Variants in AFM observed in about 807,000 individuals in gnomAD.
AFM encodes the protein afamin.
In AFM, 82 loss-of-function variants were observed where a neutral mutation model predicts 68.7. The ratio of observed to expected loss-of-function variants is 1.19; its 90% CI spans 1.00 to 1.43. AFM has a LOEUF of 1.43. Ranked by LOEUF, AFM falls within the 40% of genes most tolerant of loss-of-function variation. The pLI, the probability that AFM is intolerant of heterozygous loss-of-function variation, is 0.00. For missense variants in AFM, 772 were observed against 701.8 expected, an observed-to-expected ratio of 1.10 and a Z score of -1.13; for synonymous variants, 250 against 234.2, an observed-to-expected ratio of 1.07 and a Z score of -0.61.
At chr4:73,485,683 A>C (rs1283290565) in intron 3 of AFM, among the ~76,000 whole-genome samples, 179 bp from the exon 4 acceptor site, 2 of 121,920 alleles carry the variant, frequency 1.6e-5, no homozygotes, top group African/African-American at 6.2e-5. Flanking sequence ...AGGAGGTGGA[A>C]GAGAAGGAGG....
chr4:73,491,750 C>A, intron 7 of AFM, 122 bp from the exon 8 acceptor site: 2 of 848,880 alleles, frequency 2.4e-6, no homozygotes, highest in South Asian at 1.6e-5. Flanking sequence ...TATTATCTAG[C>A]AAATTAATTG....
At chr4:73,494,060 G>GGT (rs60080861) in intron 8 of AFM, among the ~76,000 whole-genome samples, 84,240 of 147,568 alleles carry the variant, frequency 0.57, 24,720 homozygotes, top group Non-Finnish European at 0.68. Context: ...CATGTTTTTA[G>GGT]GTGTGTGTGT....
chr4:73,495,549 A>G, intron 9 of AFM, 117 bp downstream of exon 9: 1 of 1,242,664 alleles, frequency 8.0e-7, no homozygotes, highest in Non-Finnish European at 1.1e-6. Context: ...GGCTAATCTG[A>G]GTCCACTGTA....
chr4:73,498,788 T>C (rs375215007), intron 10 of AFM, among the ~76,000 whole-genome samples: 1 of 152,182 alleles, frequency 6.6e-6, no homozygotes, highest in Non-Finnish European at 1.5e-5. Flanking sequence ...TTTCTAATGA[T>C]GTAAATTATT....
chr4:73,489,955 G>A (rs1356595279), intron 7 of AFM, among the ~76,000 whole-genome samples: 1 of 151,980 alleles, frequency 6.6e-6, no homozygotes, highest in Non-Finnish European at 1.5e-5. Flanking sequence ...TGTACATTCT[G>A]CACATCTGCC....
chr4:73,501,032 C>A (rs1213564186), intron 12 of AFM, among the ~76,000 whole-genome samples: 2 of 152,042 alleles, frequency 1.3e-5, no homozygotes, highest in African/African-American at 4.8e-5. Flanking sequence ...CTCTTTGGTG[C>A]ATTAAAATTT....
intron 1 of AFM, among the ~76,000 whole-genome samples, chr4:73,482,893 T>G (rs1720754220): frequency 6.6e-6 from 1 of 152,190 alleles, no homozygotes; most frequent in East Asian, 1.9e-4. Flanking sequence ...ATAGAAATGA[T>G]CAGATTACTA....
chr4:73,494,662 T>C (rs1202296132), intron 8 of AFM, among the ~76,000 whole-genome samples: 3 of 152,260 alleles, frequency 2.0e-5, no homozygotes, highest in African/African-American at 7.2e-5. Flanking sequence ...ATATCTGTTA[T>C]GCCCAAAGTT....
chr4:73,499,290 TAAAAAAAAGAA>T, intron 11 of AFM, 44 bp downstream of exon 11: 1 of 1,038,344 alleles, frequency 9.6e-7, no homozygotes, highest in Non-Finnish European at 1.3e-6. Context: ...TTTTTTTTTT[TAAAAAAAAGAA>T]TATTTGCACT....
At chr4:73,487,201 G>A in intron 5 of AFM, 102 bp downstream of exon 5, 1 of 1,236,644 alleles carries the variant, frequency 8.1e-7, no homozygotes, top group Non-Finnish European at 1.1e-6. Context: ...TACCATATAT[G>A]ATGTTCTCTT....
Position 73,485,927 on chromosome 4 carries a change from C to A in AFM, c.336C>A (p.His112Gln). The A allele has an allele frequency of 6.2e-7, 1 of 1,614,124 alleles. No individual in the cohort carries two copies. The highest frequency in any genetic ancestry group is 1.1e-5 in the South Asian group (1 of 91,078). The change falls in exon 4 of 15, where the codon CAC (histidine) becomes CAA (glutamine). Residue 112 changes from histidine (H) to glutamine (Q), a missense_variant. Coordinates refer to ENST00000226355, the MANE Select transcript of AFM (RefSeq NM_001133.2). ...EGLPQKHNFS[H>Q]CCSKVDAQRR... is the part of the protein sequence containing the mutation. ...TGCCACAAAAGCATAATTTCTCACA[C>A]TGCTGCAGTAAGGTTGATGCTCAAA...
chr4:73,489,287 C>T (rs1463435039), intron 7 of AFM, among the ~76,000 whole-genome samples: 1 of 151,992 alleles, frequency 6.6e-6, no homozygotes, highest in Non-Finnish European at 1.5e-5. Context: ...CCTCCCTTTT[C>T]CCTTTCATTT....
At chr4:73,501,968 AT>A in intron 13 of AFM, 49 bp downstream of exon 13, 1 of 1,597,012 alleles carries the variant, frequency 6.3e-7, no homozygotes, top group Non-Finnish European at 8.5e-7. Flanking sequence ...TCCTGGTCAA[AT>A]AAAATAAAAC....
intron 10 of AFM, 31 bp downstream of exon 10, chr4:73,497,780 T>C: frequency 7.2e-7 from 1 of 1,382,942 alleles, no homozygotes; most frequent in Non-Finnish European, 1.0e-6. Context: ...GGCTAACACT[T>C]GCCACTAGAA....
Position 73,491,377 on chromosome 4 carries a change from G to A in AFM, c.844-495G>A, listed in dbSNP as rs968278228. 9.2e-5 allele frequency among the ~76,000 whole-genome samples: 14 copies of A among 152,218 alleles called. No homozygotes were observed. The East Asian group carries it at 1.5e-3, about 17-fold the overall frequency. ...AATAGCTTCTTATATTTGATGAATC[G>A]TCATCTGGTAGTTGCTGTAGTTCAC... On this transcript the variant is annotated intron_variant, in intron 7 of 14. Coordinates refer to ENST00000226355, the MANE Select transcript of AFM (RefSeq NM_001133.2).
chr4:73,491,261 C>G (rs1196178727), intron 7 of AFM, among the ~76,000 whole-genome samples: 1 of 152,130 alleles, frequency 6.6e-6, no homozygotes, highest in Non-Finnish European at 1.5e-5. Flanking sequence ...ATAAAGTTGT[C>G]CATTTGAGCA....
In AFM at chr4:73,495,278, T is replaced by C. The variant is rs756573028; in HGVS notation, c.1059-22T>C. The stretch of plus-strand genomic sequence containing the variant: ...TTTGCTCTTTCTCTAATTTCTAATA[T>C]ACAAAATTTTACACATTGCAGGTTT... On this transcript the variant is annotated intron_variant, in intron 8 of 14. Coordinates refer to ENST00000226355, the MANE Select transcript of AFM (RefSeq NM_001133.2). 4 of 1,558,358 alleles carry C rather than the reference T, an allele frequency of 2.6e-6. No individual in the cohort carries two copies. In the South Asian group the frequency reaches 4.9e-5, roughly 19 times the overall value.
In AFM at chr4:73,487,061, T is replaced by G. The variant is rs762675974; in HGVS notation, c.577T>G (p.Cys193Gly). 3 of 1,614,082 alleles carry G rather than the reference T, an allele frequency of 1.9e-6. No individual in the cohort carries two copies. The highest frequency in any genetic ancestry group is 1.7e-6 in the Non-Finnish European group (2 of 1,179,962). ...TTTTGAGGAGGTGGCCAAATCATGT[T>G]GTGAAGAACAAAACAAAGTCAACTG... The part of the protein sequence containing the change: ...VHFEEVAKSC[C>G]EEQNKVNCLQ... Residue 193 changes from cysteine to glycine, a missense_variant, in exon 5 of 15, where the codon TGT (cysteine) becomes GGT (glycine). Transcript: ENST00000226355.
intron 8 of AFM, among the ~76,000 whole-genome samples, 192 bp downstream of exon 8, chr4:73,492,278 A>G (rs1721094298): frequency 2.0e-5 from 3 of 152,234 alleles, no homozygotes; most frequent in Admixed American, 2.0e-4. Context: ...TATTATTAAA[A>G]TAATCGCTAG....
Sources: allele counts gnomAD v4.1 joint callset (sites outside exome capture counted in the v4.1 genomes callset), GRCh38; gene constraint gnomAD v4.1.1; transcripts MANE v1.5; gene names NCBI Gene and HGNC (gene_info 2026-07-23, HGNC 2026-07-21).